ABCA13: variants seen among roughly 807,000 people sequenced by gnomAD.
ABCA13 encodes the protein ATP binding cassette subfamily A member 13.
A neutral mutation model predicts 478.7 loss-of-function variants in ABCA13; 476 were observed. That is an observed-to-expected ratio of 0.99 (90% CI 0.92 to 1.07). ABCA13 has a LOEUF of 1.07. Among genes scored for constraint, ABCA13 ranks in the 50% least tolerant of loss-of-function variants. The pLI is 0.00. For synonymous variants in ABCA13, 2,252 were observed against 2,158.9 expected, an observed-to-expected ratio of 1.04 and a Z score of -1.20; for missense variants, 6,060 against 5,910.6, an observed-to-expected ratio of 1.03 and a Z score of -0.83.
chr7:48,298,332 A>T, intron 22 of ABCA13, 34 bp from the exon 23 acceptor site: 1 of 1,577,534 alleles, frequency 6.3e-7, no homozygotes, highest in Non-Finnish European at 8.6e-7. Flanking sequence ...CTAAACCTTT[A>T]TTACACAAAT....
chr7:48,482,716 T>C (rs1828900099), intron 46 of ABCA13, among the ~76,000 whole-genome samples: 1 of 152,224 alleles, frequency 6.6e-6, no homozygotes, highest in African/African-American at 2.4e-5. Context: ...AATAATGGAT[T>C]TGTAGAGGGA....
intron 27 of ABCA13, among the ~76,000 whole-genome samples, chr7:48,324,974 T>C (rs983702934): frequency 5.3e-5 from 8 of 152,192 alleles, no homozygotes; most frequent in Non-Finnish European, 1.2e-4. Context: ...TAATTAAAAA[T>C]TTTCCCTAAA....
rs188114832 is a variant in ABCA13 at position 48,414,001 on chromosome 7, G to A, written c.12459+1418G>A. Among the ~76,000 whole-genome samples the A allele has an allele frequency of 9.2e-5, 14 of 152,262 alleles. No homozygotes were observed. In the East Asian group the frequency reaches 2.5e-3, roughly 27 times the overall value. On this transcript the variant is annotated intron_variant, in intron 41 of 61. Transcript: ENST00000435803. ...ATTAGCCCATACCTTTGTGGTTGATGCTCTGTATTCCATGCATCATCAGGA... is the reference window on the plus strand; with the variant it reads ...ATTAGCCCATACCTTTGTGGTTGATACTCTGTATTCCATGCATCATCAGGA...
At chr7:48,246,497 T>G (rs2128680697) in intron 13 of ABCA13, among the ~76,000 whole-genome samples, 1 of 152,328 alleles carries the variant, frequency 6.6e-6, no homozygotes, top group African/African-American at 2.4e-5. Context: ...GAACGATTTG[T>G]TTGGAAAGAT....
At chr7:48,237,001 C>G (rs1790054409) in intron 8 of ABCA13, among the ~76,000 whole-genome samples, 1 of 143,136 alleles carries the variant, frequency 7.0e-6, no homozygotes, top group South Asian at 2.2e-4. Context: ...CTTGAGAACT[C>G]AGAGGGTAGG....
At chr7:48,601,546 A>G (rs879262168) in intron 58 of ABCA13, among the ~76,000 whole-genome samples, 19 of 152,236 alleles carry the variant, frequency 1.2e-4, no homozygotes, top group Admixed American at 3.3e-4. Context: ...TGCAAGGGAC[A>G]TGAACTAATT....
intron 58 of ABCA13, among the ~76,000 whole-genome samples, chr7:48,611,582 A>G (rs1284689105): frequency 6.6e-6 from 1 of 152,218 alleles, no homozygotes; most frequent in Non-Finnish European, 1.5e-5. Flanking sequence ...TTACATGGCC[A>G]GAGCAGGAGG....
chr7:48,519,968 G>C, intron 52 of ABCA13, 73 bp from the exon 53 acceptor site: 2 of 1,417,676 alleles, frequency 1.4e-6, no homozygotes, highest in Middle Eastern at 2.4e-4. Context: ...AGGAGAAAAA[G>C]AAGTTATTGG....
intron 38 of ABCA13, among the ~76,000 whole-genome samples, chr7:48,399,845 C>T (rs1201867360): frequency 6.6e-6 from 1 of 152,150 alleles, no homozygotes; most frequent in African/African-American, 2.4e-5. Flanking sequence ...GAGACACCTG[C>T]CCCACATGGA....
At chr7:48,402,495 A>G (rs1399359575) in intron 38 of ABCA13, among the ~76,000 whole-genome samples, 1 of 152,234 alleles carries the variant, frequency 6.6e-6, no homozygotes, top group East Asian at 1.9e-4. Context: ...AAACAGGAGC[A>G]TAAATTATTA....
intron 1 of ABCA13, among the ~76,000 whole-genome samples, chr7:48,177,701 T>G (rs935207648): frequency 1.1e-4 from 17 of 152,234 alleles, no homozygotes; most frequent in African/African-American, 3.6e-4. Flanking sequence ...CATACAGTAG[T>G]GCAGGTGAGA....
At chr7:48,297,424 T>G in intron 22 of ABCA13, 113 bp downstream of exon 22, 1 of 1,047,570 alleles carries the variant, frequency 9.5e-7, no homozygotes, top group Non-Finnish European at 1.4e-6. Context: ...ATGTGATACA[T>G]AATCATTTAC....
intron 36 of ABCA13, among the ~76,000 whole-genome samples, chr7:48,388,782 T>G (rs1410681842): frequency 6.6e-6 from 1 of 152,140 alleles, no homozygotes; most frequent in Non-Finnish European, 1.5e-5. Flanking sequence ...CAAAAATACA[T>G]GTGTGTGTTT....
chr7:48,350,946 A>C (rs1215409886), intron 30 of ABCA13, 127 bp downstream of exon 30: 1 of 1,014,666 alleles, frequency 9.9e-7, no homozygotes, highest in Non-Finnish European at 1.4e-6. Context: ...CAGATAAAAC[A>C]TAAAATAAAG....
At position 48,248,234 on chromosome 7, in the gene ABCA13, T is replaced by A. The variant is rs751010145; in HGVS notation, c.1660-5T>A. The stretch of plus-strand genomic sequence containing the variant: ...TTATAAGCAATATCTTCTTTTCTTG[T>A]TAAGGATCGTATTTTGCAAGAGGTC... On this transcript the variant is annotated splice_region_variant and splice_polypyrimidine_tract_variant and intron_variant, in intron 13 of 61. Coordinates refer to ENST00000435803, the MANE Select transcript of ABCA13 (RefSeq NM_152701.5). 3 of 1,609,042 alleles carry A rather than the reference T, an allele frequency of 1.9e-6. No homozygotes were observed. In the African/African-American group the frequency reaches 4.0e-5, roughly 22 times the overall value.
intron 42 of ABCA13, 139 bp from the exon 43 acceptor site, chr7:48,454,898 G>A: frequency 8.2e-7 from 1 of 1,226,822 alleles, no homozygotes; most frequent in Non-Finnish European, 1.1e-6. Context: ...GGACACTCAA[G>A]GGAGTCCTCA....
At chr7:48,417,541 G>A (rs1264315331) in intron 41 of ABCA13, among the ~76,000 whole-genome samples, 1 of 152,114 alleles carries the variant, frequency 6.6e-6, no homozygotes, top group African/African-American at 2.4e-5. Context: ...CTTTTAAAGA[G>A]CAGTTTTAGA....
chr7:48,350,110 G>A (rs565003762), intron 29 of ABCA13, among the ~76,000 whole-genome samples: 4 of 152,130 alleles, frequency 2.6e-5, no homozygotes, highest in Admixed American at 6.5e-5. Flanking sequence ...TTTATGTTTC[G>A]AATGCACAGA....
At chr7:48,358,039 G>A (rs931687128) in intron 31 of ABCA13, among the ~76,000 whole-genome samples, 2 of 151,426 alleles carry the variant, frequency 1.3e-5, no homozygotes, top group African/African-American at 4.9e-5. Context: ...CTACTCGGGA[G>A]GCTGAGGCAG....
Sources: allele counts gnomAD v4.1 joint callset (sites outside exome capture counted in the v4.1 genomes callset), GRCh38; gene constraint gnomAD v4.1.1; transcripts MANE v1.5; gene names NCBI Gene and HGNC (gene_info 2026-07-23, HGNC 2026-07-21).